Variants in IGF2BP2 observed in about 807,000 individuals in gnomAD.
IGF2BP2 encodes the protein insulin like growth factor 2 mRNA binding protein 2, also known as insulin-like growth factor 2 mRNA-binding protein 2.
IGF2BP2 carries 17 observed loss-of-function variants against 75.8 expected under a neutral mutation model. That is an observed-to-expected ratio of 0.22 (90% confidence interval 0.15 to 0.34). The LOEUF (loss-of-function observed/expected upper bound fraction) is 0.34, where lower values mean the gene tolerates loss of function less well. Among genes scored for constraint, IGF2BP2 ranks in the 10% least tolerant of loss-of-function variants. The pLI, the probability that IGF2BP2 is intolerant of heterozygous loss-of-function variation, is 1.00. For synonymous variants in IGF2BP2, 288 were observed against 295.6 expected (o/e 0.97, Z 0.26); for missense variants, 516 against 772.4 (o/e 0.67, Z 3.93).
chr3:185,671,114 C>T (rs375311061), intron 10 of IGF2BP2, among the ~76,000 whole-genome samples: 31 of 152,276 alleles, frequency 2.0e-4, no homozygotes, highest in East Asian at 3.9e-4. Context: ...TACTGCTTGG[C>T]GCAGCCATGT....
intron 2 of IGF2BP2, among the ~76,000 whole-genome samples, chr3:185,788,689 A>G (rs1309091238): frequency 1.3e-5 from 2 of 150,868 alleles, no homozygotes; most frequent in Non-Finnish European, 2.9e-5. Flanking sequence ...ACTGGTTGTA[A>G]AGTCCAAAAC....
chr3:185,781,666 G>A (rs1182310674), intron 2 of IGF2BP2, among the ~76,000 whole-genome samples: 1 of 152,144 alleles, frequency 6.6e-6, no homozygotes, highest in Non-Finnish European at 1.5e-5. Context: ...AGTCTTATGG[G>A]AAAAGCTCCT....
Position 185,823,148 on chromosome 3 carries a change from T to G in IGF2BP2, c.239+5A>C. On this transcript the variant is annotated splice_donor_5th_base_variant and intron_variant, in intron 2 of 15. Coordinates refer to ENST00000382199, the MANE Select transcript of IGF2BP2 (RefSeq NM_006548.6). ...CAAAAAAAAAACTAAGCAAAGTATA[T>G]TTACCTTAGCTTTTTAGAGACTGAG... is the stretch of plus-strand genomic sequence containing the variant. 6.3e-7 allele frequency: 1 copy of G among 1,594,874 alleles called. No homozygotes were observed. The highest frequency in any genetic ancestry group is 8.6e-7 in the Non-Finnish European group (1 of 1,168,568).
chr3:185,796,856 A>G (rs1737484802), intron 2 of IGF2BP2, among the ~76,000 whole-genome samples: 1 of 152,182 alleles, frequency 6.6e-6, no homozygotes, highest in African/African-American at 2.4e-5. Context: ...AAATTTTGCT[A>G]CAATAGTTTG....
chr3:185,814,839 T>C (rs1740391502), intron 2 of IGF2BP2, among the ~76,000 whole-genome samples: 1 of 152,182 alleles, frequency 6.6e-6, no homozygotes, highest in African/African-American at 2.4e-5. Flanking sequence ...AAAAGTGCTT[T>C]CACTGACTTT....
chr3:185,753,407 G>A (rs1215275672), intron 2 of IGF2BP2, among the ~76,000 whole-genome samples: 3 of 152,108 alleles, frequency 2.0e-5, no homozygotes, highest in East Asian at 3.8e-4. Flanking sequence ...AGGGAAAGAT[G>A]CAGAAAAGAT....
chr3:185,676,715 T>G lies in IGF2BP2; in HGVS notation c.813-802A>C, dbSNP rs940721967. ...TATATATATATATATTTACTGGAGA[T>G]ATATATATATGGAGATGTATATATA... is the stretch of plus-strand genomic sequence containing the variant. On this transcript the variant is annotated intron_variant, in intron 7 of 15. Transcript: ENST00000382199. Among the ~76,000 whole-genome samples, 6 of 145,074 alleles carry G rather than the reference T, an allele frequency of 4.1e-5. No homozygotes were observed. The Admixed American group carries it at 4.3e-4, about 10-fold the overall frequency.
At chr3:185,756,860 A>G (rs1346742892) in intron 2 of IGF2BP2, among the ~76,000 whole-genome samples, 1 of 152,160 alleles carries the variant, frequency 6.6e-6, no homozygotes, top group African/African-American at 2.4e-5. Flanking sequence ...CTGTAGTCTT[A>G]GCTAGTCTAG....
chr3:185,675,164 AT>A, intron 9 of IGF2BP2, 131 bp downstream of exon 9: 1 of 834,290 alleles, frequency 1.2e-6, no homozygotes, highest in East Asian at 2.7e-5. Flanking sequence ...TTTCCTGATT[AT>A]TTTAATGCTT....
intron 2 of IGF2BP2, among the ~76,000 whole-genome samples, chr3:185,762,125 C>G (rs550549533): frequency 6.6e-6 from 1 of 152,072 alleles, no homozygotes; most frequent in Non-Finnish European, 1.5e-5. Context: ...CGGTGGCTCA[C>G]GCCTGTAATC....
At chr3:185,658,290 G>C in intron 11 of IGF2BP2, 51 bp downstream of exon 11, 1 of 1,540,446 alleles carries the variant, frequency 6.5e-7, no homozygotes, top group Non-Finnish European at 9.0e-7. Flanking sequence ...GGCCAAGTGG[G>C]CCTAGCCCCA....
intron 2 of IGF2BP2, among the ~76,000 whole-genome samples, chr3:185,741,322 A>G (rs1221651815): frequency 2.0e-5 from 3 of 152,194 alleles, no homozygotes; most frequent in Non-Finnish European, 4.4e-5. Flanking sequence ...AATCCAACAG[A>G]ACCATATGCA....
At chr3:185,780,328 T>C (rs140892055) in intron 2 of IGF2BP2, among the ~76,000 whole-genome samples, 2 of 152,290 alleles carry the variant, frequency 1.3e-5, no homozygotes, top group Non-Finnish European at 2.9e-5. Flanking sequence ...TGCTTATTAA[T>C]TGAAAGGAGA....
At chr3:185,823,895 T>A (rs920078178) in intron 1 of IGF2BP2, among the ~76,000 whole-genome samples, 1 of 151,476 alleles carries the variant, frequency 6.6e-6, no homozygotes, top group East Asian at 2.0e-4. Flanking sequence ...CTCCGTCTCC[T>A]GTCTGGGCTC....
chr3:185,684,365 ATTGG>A (rs1720813586), intron 7 of IGF2BP2, among the ~76,000 whole-genome samples: 2 of 151,384 alleles, frequency 1.3e-5, no homozygotes, highest in Non-Finnish European at 2.9e-5. Context: ...ACATGTCATC[ATTGG>A]ATACTACATT....
At chr3:185,764,865 C>T (rs1732842418) in intron 2 of IGF2BP2, among the ~76,000 whole-genome samples, 1 of 152,112 alleles carries the variant, frequency 6.6e-6, no homozygotes, top group Non-Finnish European at 1.5e-5. Flanking sequence ...AGCCTTGCCC[C>T]CAGCTCTGAG....
chr3:185,686,403 G>T (rs998688298), intron 7 of IGF2BP2, among the ~76,000 whole-genome samples: 1 of 151,696 alleles, frequency 6.6e-6, no homozygotes, highest in Admixed American at 6.6e-5. Flanking sequence ...AAAAAGGAGA[G>T]GGGGGTAGTG....
intron 2 of IGF2BP2, among the ~76,000 whole-genome samples, chr3:185,752,703 T>C (rs1560412958): frequency 6.6e-6 from 1 of 152,022 alleles, no homozygotes; most frequent in Non-Finnish European, 1.5e-5. Flanking sequence ...GATTCTCCTG[T>C]CTCAGCCCTC....
chr3:185,679,602 T>C (rs1720073764), intron 7 of IGF2BP2, among the ~76,000 whole-genome samples: 4 of 152,136 alleles, frequency 2.6e-5, no homozygotes, highest in African/African-American at 9.7e-5. Flanking sequence ...TTATGTTTTA[T>C]TTTAACGTTT....
Sources: gnomAD v4.1 joint callset for allele counts (sites outside exome capture counted in the v4.1 genomes callset) on GRCh38, gnomAD v4.1.1 for gene constraint, MANE v1.5 for transcripts, NCBI Gene and HGNC (gene_info 2026-07-23, HGNC 2026-07-21) for gene names.